Variants in ACCSL observed in about 807,000 individuals in gnomAD.
ACCSL encodes the protein probable inactive 1-aminocyclopropane-1-carboxylate synthase-like protein 2.
Under a neutral mutation model 61.7 loss-of-function variants are expected in ACCSL, and 55 were observed. That is an observed-to-expected ratio of 0.89 (90% CI 0.72 to 1.12). ACCSL has a LOEUF of 1.12. Ranked by LOEUF, ACCSL falls within the 50% of genes most tolerant of loss-of-function variation. ACCSL has a pLI of 0.00. For synonymous variants in ACCSL, 258 were observed against 264.3 expected, an observed-to-expected ratio of 0.98 and a Z score of 0.23; for missense variants, 632 against 698.0, an observed-to-expected ratio of 0.91 and a Z score of 1.07.
chr11:44,021,510 G>A, the ACCSL span, among the ~76,000 whole-genome samples: 6 of 152,072 alleles, frequency 3.9e-5, no homozygotes, highest in African/African-American at 1.4e-4. Context: ...TGTAGCTTCT[G>A]TATATTAGTT....
chr11:44,007,383 G>A, the ACCSL span, among the ~76,000 whole-genome samples: 585 of 152,330 alleles, frequency 3.8e-3, 5 homozygotes, highest in African/African-American at 0.014. Context: ...ATTGTTCAGA[G>A]GCCCCACTTG....
Position 44,056,025 on chromosome 11 carries a change from C to A in ACCSL, c.1140-15C>A. 1 of 1,614,076 alleles carries A rather than the reference C, an allele frequency of 6.2e-7. No individual in the cohort carries two copies. Among genetic ancestry groups the A allele is most frequent in the Admixed American group, 1.7e-5 (1 of 60,026 alleles). On this transcript the variant is annotated splice_polypyrimidine_tract_variant and intron_variant, in intron 9 of 13. Coordinates refer to ENST00000378832, the MANE Select transcript of ACCSL (RefSeq NM_001031854.2). ...TTCTCTATAACCTTAGTTAATTTTTCCACTTCTTCTTCAGTTTGCCTGATA... is the reference window on the plus strand; with the variant it reads ...TTCTCTATAACCTTAGTTAATTTTTACACTTCTTCTTCAGTTTGCCTGATA...
chr11:43,987,928 C>T, the ACCSL span, among the ~76,000 whole-genome samples: 1 of 152,006 alleles, frequency 6.6e-6, no homozygotes, highest in African/African-American at 2.4e-5. Context: ...CTTCTTCCCC[C>T]ACCCCCCCGC....
chr11:44,037,554 G>A, the ACCSL span, among the ~76,000 whole-genome samples: 2 of 152,180 alleles, frequency 1.3e-5, no homozygotes, highest in Admixed American at 6.5e-5. Flanking sequence ...AGGGTTTAGC[G>A]ACCCCTCTTG....
the ACCSL span, among the ~76,000 whole-genome samples, chr11:44,031,926 C>T: frequency 6.6e-6 from 1 of 152,176 alleles, no homozygotes; most frequent in Non-Finnish European, 1.5e-5. Context: ...ACGGCCACCA[C>T]ATTCACTTAC....
At chr11:43,978,883 G>C in the ACCSL span, among the ~76,000 whole-genome samples, 1 of 149,818 alleles carries the variant, frequency 6.7e-6, no homozygotes, top group Non-Finnish European at 1.5e-5. Context: ...TCAACTGGTC[G>C]GGTAAGGGGT....
intron 9 of ACCSL, 101 bp downstream of exon 9, chr11:44,055,392 G>C (rs1952665378): frequency 1.2e-6 from 1 of 803,378 alleles, no homozygotes; most frequent in Non-Finnish European, 2.0e-6. Context: ...CTAGCACATA[G>C]CCAGTTAACT....
Position 44,058,583 on chromosome 11 carries a change from T to C in ACCSL, c.1508T>C (p.Leu503Pro). The C allele has an allele frequency of 6.2e-7, 1 of 1,614,114 alleles. No individual in the cohort carries two copies. The highest frequency in any genetic ancestry group is 8.5e-7 in the Non-Finnish European group (1 of 1,179,994). ...DPCTFEEERL[L>P]YCRFLDNKLL... ...TGTACATTTGAAGAAGAACGGCTCC[T>C]CTATTGCCGCTTCCTGGACAACAAG... The change falls in exon 13 of 14, where the codon CTC (leucine) becomes CCC (proline). Residue 503 changes from leucine to proline, a missense_variant. Leu to Pro is a moderately conservative substitution (Grantham distance 98). Transcript: ENST00000378832.
At chr11:43,943,577 G>T in the ACCSL span, 2 of 1,312,936 alleles carry the variant, frequency 1.5e-6, no homozygotes, top group Non-Finnish European at 2.0e-6. The surrounding 1 kb of genome is among the most constrained non-coding windows in gnomAD (Gnocchi z 4.8). Context: ...GCGCTGAGTC[G>T]GCGGCGGGTA....
At chr11:43,985,601 G>A in the ACCSL span, among the ~76,000 whole-genome samples, 6 of 152,250 alleles carry the variant, frequency 3.9e-5, no homozygotes, top group Admixed American at 3.9e-4. Flanking sequence ...ATGGGGTTAT[G>A]AGCAAAATCC....
rs1181604321 is a variant in ACCSL at position 44,052,737 on chromosome 11, T to C, written c.848T>C (p.Ile283Thr). The C allele has an allele frequency of 6.2e-6, 10 of 1,613,994 alleles. No individual in the cohort carries two copies. The highest frequency in any genetic ancestry group is 8.5e-6 in the Non-Finnish European group (10 of 1,180,010). The change falls in exon 6 of 14, where the codon ATT becomes ACT. Residue 283 changes from isoleucine to threonine, a missense_variant. Transcript: ENST00000378832. ...SSRLYAKVEL[I>T]PVHLESEVTV... ...CGCCTGTATGCAAAGGTTGAGTTGA[T>C]TCCTGTCCACCTGGAGAGTGAGGTC...
the ACCSL span, among the ~76,000 whole-genome samples, chr11:44,002,759 C>T: frequency 2.0e-5 from 3 of 152,214 alleles, no homozygotes; most frequent in East Asian, 3.9e-4. Context: ...GAATCCTTAC[C>T]GGTAAAATGG....
At chr11:43,938,252 T>C in the ACCSL span, among the ~76,000 whole-genome samples, 2 of 152,180 alleles carry the variant, frequency 1.3e-5, no homozygotes, top group South Asian at 4.1e-4. Context: ...GGCTTTGCCC[T>C]TCAACATTGC....
the ACCSL span, among the ~76,000 whole-genome samples, chr11:43,939,897 G>A: frequency 0.24 from 36,086 of 152,078 alleles, 5,134 homozygotes; most frequent in Non-Finnish European, 0.32. Flanking sequence ...ATGAGCCACC[G>A]TGCCTGGACA....
intron 9 of ACCSL, among the ~76,000 whole-genome samples, 192 bp from the exon 10 acceptor site, chr11:44,055,848 T>C (rs1027381364): frequency 1.3e-5 from 2 of 152,282 alleles, no homozygotes; most frequent in Non-Finnish European, 2.9e-5. Flanking sequence ...ACTTGGGTTC[T>C]GTGCCCTCTA....
At chr11:43,928,095 G>T in the ACCSL span, among the ~76,000 whole-genome samples, 1 of 152,212 alleles carries the variant, frequency 6.6e-6, no homozygotes, top group African/African-American at 2.4e-5. Flanking sequence ...GGAGCACCCT[G>T]TTAAGTGACA....
chr11:43,926,531 ATTG>A, the ACCSL span: 1 of 455,492 alleles, frequency 2.2e-6, no homozygotes, highest in Non-Finnish European at 4.4e-6. Flanking sequence ...ATATCCAGAG[ATTG>A]TGGGTCAGAT....
chr11:44,029,422 C>T, the ACCSL span, among the ~76,000 whole-genome samples: 1 of 152,270 alleles, frequency 6.6e-6, no homozygotes, highest in Non-Finnish European at 1.5e-5. Flanking sequence ...GCTACCTTAT[C>T]AGAGAGGCTT....
the ACCSL span, among the ~76,000 whole-genome samples, chr11:44,010,113 G>T: frequency 6.6e-6 from 1 of 152,150 alleles, no homozygotes. Flanking sequence ...GGCCAAGGTG[G>T]GGGGATCACC....
Sources: allele counts gnomAD v4.1 joint callset (sites outside exome capture counted in the v4.1 genomes callset), GRCh38; gene constraint gnomAD v4.1.1; non-coding constraint Gnocchi (gnomAD v3.1); transcripts MANE v1.5; gene names NCBI Gene and HGNC (gene_info 2026-07-23, HGNC 2026-07-21).